The following NDFIP2 variants were observed in gnomAD, a reference collection of about 807,000 sequenced individuals.
The protein encoded by NDFIP2 is NEDD4 family-interacting protein 2.
Under a neutral mutation model 36.0 loss-of-function variants are expected in NDFIP2, and 19 were observed. The ratio of observed to expected loss-of-function variants is 0.53; its 90% CI spans 0.37 to 0.77. The LOEUF (loss-of-function observed/expected upper bound fraction) is 0.77. NDFIP2 is among the 30% of genes least tolerant of loss of function. The pLI is 0.00. For synonymous variants in NDFIP2, 181 were observed against 167.7 expected (o/e 1.08, Z -0.61); for missense variants, 446 against 435.8 (o/e 1.02, Z -0.21).
chr13:79,521,585 CAG>C (rs1228755665), intron 2 of NDFIP2, among the ~76,000 whole-genome samples: 3 of 152,020 alleles, frequency 2.0e-5, no homozygotes, highest in Non-Finnish European at 4.4e-5. Context: ...AATATTTTAA[CAG>C]AAAAAATTTT....
At chr13:79,510,134 C>G (rs78685814) in intron 1 of NDFIP2, among the ~76,000 whole-genome samples, 1 of 152,054 alleles carries the variant, frequency 6.6e-6, no homozygotes, top group East Asian at 1.9e-4. Context: ...TTATACAAAT[C>G]TGCATAAAAA....
chr13:79,541,448 A>G (rs571348301), intron 4 of NDFIP2, among the ~76,000 whole-genome samples: 6 of 151,300 alleles, frequency 4.0e-5, no homozygotes, highest in Non-Finnish European at 7.4e-5. Context: ...ATATTTTACT[A>G]AATTTTTACT....
intron 5 of NDFIP2, among the ~76,000 whole-genome samples, chr13:79,547,641 A>G (rs1192894687): frequency 2.0e-5 from 3 of 152,156 alleles, no homozygotes; most frequent in African/African-American, 7.2e-5. Context: ...TCTGCCTTCC[A>G]TCTGCCTGTT....
chr13:79,523,787 T>G (rs1251660293), intron 2 of NDFIP2, among the ~76,000 whole-genome samples: 1 of 152,198 alleles, frequency 6.6e-6, no homozygotes, highest in Non-Finnish European at 1.5e-5. Flanking sequence ...CTATTGATCT[T>G]CTGATGATAT....
At chr13:79,543,437 T>C (rs1875537992) in intron 4 of NDFIP2, 121 bp from the exon 5 acceptor site, 2 of 1,270,206 alleles carry the variant, frequency 1.6e-6, no homozygotes, top group South Asian at 1.4e-5. Context: ...GAAGGCTTAA[T>C]TGGCAGAGTT....
At chr13:79,500,165 G>C (rs1301035458) in intron 1 of NDFIP2, among the ~76,000 whole-genome samples, 2 of 128,146 alleles carry the variant, frequency 1.6e-5, no homozygotes, top group East Asian at 2.3e-4. Flanking sequence ...AGATCCCCAT[G>C]CAAAAAAAAA....
intron 1 of NDFIP2, among the ~76,000 whole-genome samples, chr13:79,497,560 T>C (rs940647604): frequency 6.6e-6 from 1 of 151,840 alleles, no homozygotes; most frequent in African/African-American, 2.4e-5. Context: ...TAAATTCTTT[T>C]TGTATTTTTG....
intron 5 of NDFIP2, among the ~76,000 whole-genome samples, chr13:79,546,223 TA>T (rs59373181): frequency 0.29 from 44,161 of 152,058 alleles, 7,783 homozygotes; most frequent in Non-Finnish European, 0.4. Flanking sequence ...CATTAGACAA[TA>T]AGTAATTTAT....
chr13:79,522,932 G>C (rs1024400606), intron 2 of NDFIP2, among the ~76,000 whole-genome samples: 1 of 152,146 alleles, frequency 6.6e-6, no homozygotes, highest in African/African-American at 2.4e-5. Context: ...CTTGATGAGA[G>C]GAGTTTTAAA....
chr13:79,504,445 A>T (rs1401383615), intron 1 of NDFIP2, among the ~76,000 whole-genome samples: 2 of 152,144 alleles, frequency 1.3e-5, no homozygotes, highest in Non-Finnish European at 2.9e-5. Context: ...AAAAACAAAG[A>T]TGTTGTCTTA....
chr13:79,504,972 G>GC (rs1260701926), intron 1 of NDFIP2, among the ~76,000 whole-genome samples: 5 of 152,168 alleles, frequency 3.3e-5, no homozygotes, highest in African/African-American at 4.8e-5. Flanking sequence ...GATTTGGCCA[G>GC]CAGGAGCCTG....
At position 79,530,025 on chromosome 13, in the gene NDFIP2, A is replaced by C. The variant is rs182907120; in HGVS notation, c.488-3298A>C. Reference sequence around the variant, plus strand: ...ATTTAAAACTTTACTGCTAAAAGATACTAATGATCATCAGAGCTTCAGTGA... The same window carrying C: ...ATTTAAAACTTTACTGCTAAAAGATCCTAATGATCATCAGAGCTTCAGTGA... On this transcript the variant is annotated intron_variant, in intron 2 of 7. Coordinates refer to ENST00000218652, the MANE Select transcript of NDFIP2 (RefSeq NM_019080.3). Among the ~76,000 whole-genome samples the C allele has an allele frequency of 1.9e-3, 292 of 152,358 alleles. 1 individual carries two copies. Among genetic ancestry groups the C allele is most frequent in the African/African-American group, 6.7e-3 (279 of 41,592 alleles).
Position 79,533,411 on chromosome 13 carries a change from T to C in NDFIP2, c.576T>C (p.Ala192=), listed in dbSNP as rs1875096196. The change falls in exon 3 of 8, where the codon GCT becomes GCC. Residue 192 remains alanine, a synonymous_variant. Transcript: ENST00000218652. Reference sequence around the variant, plus strand: ...CTACATACGATGAAGCTGAGAAGGCTAAAGCTGCTGCAATGGCAGCTGCAG... The same window carrying C: ...CTACATACGATGAAGCTGAGAAGGCCAAAGCTGCTGCAATGGCAGCTGCAG... ...SLPTYDEAEK[A]KAAAMAAAAA... is the part of the protein sequence containing the mutation. 1 of 1,611,478 alleles carries C rather than the reference T, an allele frequency of 6.2e-7. No homozygotes were observed. The highest frequency in any genetic ancestry group is 8.5e-7 in the Non-Finnish European group (1 of 1,178,676).
chr13:79,531,624 G>A (rs1367067293), intron 2 of NDFIP2, among the ~76,000 whole-genome samples: 1 of 152,168 alleles, frequency 6.6e-6, no homozygotes, highest in East Asian at 1.9e-4. Flanking sequence ...TATGAAGATG[G>A]CTTCTTTGAT....
intron 1 of NDFIP2, among the ~76,000 whole-genome samples, chr13:79,510,689 C>CTATCAAA (rs1874051243): frequency 6.6e-6 from 1 of 151,956 alleles, no homozygotes; most frequent in Non-Finnish European, 1.5e-5. Context: ...GAGGACTTGG[C>CTATCAAA]TATCAAAGAT....
chr13:79,521,101 T>C (rs1424751281), intron 2 of NDFIP2, 126 bp downstream of exon 2: 1 of 758,764 alleles, frequency 1.3e-6, no homozygotes, highest in African/African-American at 1.8e-5. Context: ...TATATGTATA[T>C]ACATACTGTG....
chr13:79,509,690 T>TAG (rs71106101), intron 1 of NDFIP2, among the ~76,000 whole-genome samples: 2,070 of 147,898 alleles, frequency 0.014, 27 homozygotes, highest in African/African-American at 0.047. Context: ...TATATATATA[T>TAG]AGAGAGAGAG....
At chr13:79,532,241 T>C (rs74100721) in intron 2 of NDFIP2, among the ~76,000 whole-genome samples, 1,724 of 152,324 alleles carry the variant, frequency 0.011, 35 homozygotes, top group African/African-American at 0.04. Context: ...ACTTGTTCAA[T>C]GTGGAATTGC....
chr13:79,539,353 A>G (rs1875370493), intron 3 of NDFIP2, among the ~76,000 whole-genome samples: 1 of 152,182 alleles, frequency 6.6e-6, no homozygotes, highest in Non-Finnish European at 1.5e-5. Flanking sequence ...TTTATACTCC[A>G]CCACTGGTTA....
Sources: allele counts gnomAD v4.1 joint callset (sites outside exome capture counted in the v4.1 genomes callset), GRCh38; gene constraint gnomAD v4.1.1; transcripts MANE v1.5; gene names NCBI Gene and HGNC (gene_info 2026-07-23, HGNC 2026-07-21).